RIGI: variants seen among roughly 807,000 people sequenced by gnomAD.
The protein encoded by RIGI is RNA sensor RIG-I.
the RIGI span, among the ~76,000 whole-genome samples, chr9:32,479,901 T>C: frequency 9.4e-6 from 1 of 106,610 alleles, no homozygotes. Context: ...CTTTTTCATA[T>C]TTTTAAAGCT....
the RIGI span, among the ~76,000 whole-genome samples, chr9:32,466,689 TCAAAAAA>T: frequency 0.012 from 190 of 16,434 alleles, 5 homozygotes; most frequent in East Asian, 0.33. Flanking sequence ...AAGACCTATC[TCAAAAAA>T]AAAAAAAAAA....
the RIGI span, chr9:32,485,259 G>A: frequency 2.9e-5 from 47 of 1,599,786 alleles, no homozygotes; most frequent in South Asian, 6.8e-5. Flanking sequence ...TCGCTAATCC[G>A]TGATTCCACT....
the RIGI span, among the ~76,000 whole-genome samples, chr9:32,499,305 GTTTGTGA>G: frequency 2.5e-5 from 2 of 80,170 alleles, no homozygotes; most frequent in Admixed American, 1.4e-4. Context: ...TTCTCCCAGA[GTTTGTGA>G]TTTGTTTTTT....
chr9:32,458,874 T>A, the RIGI span, among the ~76,000 whole-genome samples: 1 of 150,838 alleles, frequency 6.6e-6, no homozygotes, highest in African/African-American at 2.4e-5. Flanking sequence ...GGACACGTCA[T>A]TGCATTTAGC....
chr9:32,480,447 A>G, the RIGI span: 1 of 1,285,230 alleles, frequency 7.8e-7, no homozygotes, highest in Non-Finnish European at 1.0e-6. Context: ...GAATTGTTTT[A>G]AGAAAACTTT....
the RIGI span, among the ~76,000 whole-genome samples, chr9:32,459,683 T>G: frequency 6.6e-6 from 1 of 152,206 alleles, no homozygotes; most frequent in Non-Finnish European, 1.5e-5. Context: ...TTTTATTGGT[T>G]CTCCTAACTT....
At chr9:32,492,270 G>T in the RIGI span, 1 of 1,071,936 alleles carries the variant, frequency 9.3e-7, no homozygotes, top group Non-Finnish European at 1.3e-6. Flanking sequence ...CTTCCTGCTG[G>T]TCTCGCGTTA....
the RIGI span, among the ~76,000 whole-genome samples, chr9:32,516,280 G>C: frequency 6.6e-6 from 1 of 152,106 alleles, no homozygotes; most frequent in African/African-American, 2.4e-5. Flanking sequence ...CAGGGAGATG[G>C]AGTTGAGACT....
chr9:32,470,393 G>T, the RIGI span, among the ~76,000 whole-genome samples: 1 of 152,174 alleles, frequency 6.6e-6, no homozygotes, highest in African/African-American at 2.4e-5. Context: ...ATTATAGTTG[G>T]AAAGCAGCCA....
chr9:32,467,918 C>G, the RIGI span: 1 of 1,592,688 alleles, frequency 6.3e-7, no homozygotes, highest in Non-Finnish European at 8.6e-7. Context: ...CACTTCTGTG[C>G]CGGGAGGGTC....
chr9:32,459,956 G>A, the RIGI span, among the ~76,000 whole-genome samples: 1 of 151,996 alleles, frequency 6.6e-6, no homozygotes, highest in Non-Finnish European at 1.5e-5. Context: ...TGGTTTGGCT[G>A]TGTCCTCACC....
chr9:32,502,913 T>G, the RIGI span, among the ~76,000 whole-genome samples: 1 of 152,256 alleles, frequency 6.6e-6, no homozygotes, highest in African/African-American at 2.4e-5. Context: ...TACTCTAGTA[T>G]GACCTCATCG....
the RIGI span, among the ~76,000 whole-genome samples, chr9:32,523,486 C>A: frequency 6.6e-6 from 1 of 152,132 alleles, no homozygotes; most frequent in South Asian, 2.1e-4. Flanking sequence ...TCAGAAACTA[C>A]CATTTATTCA....
At chr9:32,472,070 C>G in the RIGI span, among the ~76,000 whole-genome samples, 1 of 152,046 alleles carries the variant, frequency 6.6e-6, no homozygotes, top group African/African-American at 2.4e-5. Flanking sequence ...CACCTAGGAT[C>G]CTCCCAGATA....
chr9:32,518,343 T>A, the RIGI span, among the ~76,000 whole-genome samples: 1 of 151,588 alleles, frequency 6.6e-6, no homozygotes, highest in Non-Finnish European at 1.5e-5. Context: ...ACAAAGCATC[T>A]TATAATGGTA....
chr9:32,489,150 T>G, the RIGI span, among the ~76,000 whole-genome samples: 656 of 152,174 alleles, frequency 4.3e-3, 6 homozygotes, highest in African/African-American at 0.015. Flanking sequence ...GAAAATACAT[T>G]AAATACATTA....
the RIGI span, among the ~76,000 whole-genome samples, chr9:32,474,202 CAAAAAAAAAA>C: frequency 2.0e-5 from 1 of 50,924 alleles, no homozygotes; most frequent in Admixed American, 2.6e-4. Context: ...GACCCTGTCT[CAAAAAAAAAA>C]AAAAAAAAAA....
the RIGI span, among the ~76,000 whole-genome samples, chr9:32,474,732 A>G: frequency 3.9e-5 from 6 of 152,180 alleles, no homozygotes; most frequent in African/African-American, 1.4e-4. Context: ...TCAGCCGGAA[A>G]CACCCAGTTA....
chr9:32,460,335 A>G, the RIGI span, among the ~76,000 whole-genome samples: 10,951 of 152,184 alleles, frequency 0.072, 955 homozygotes, highest in African/African-American at 0.2. Flanking sequence ...TCTCCCCTTC[A>G]GCCACAGGGA....
Sources: allele counts gnomAD v4.1 joint callset (sites outside exome capture counted in the v4.1 genomes callset), GRCh38; gene constraint gnomAD v4.1.1; transcripts MANE v1.5; gene names NCBI Gene and HGNC (gene_info 2026-07-23, HGNC 2026-07-21).